CD109: variants seen among roughly 807,000 people sequenced by gnomAD.
The protein encoded by CD109 is CD109 molecule, also known as CD109 antigen.
In CD109, 149 loss-of-function variants were observed where a neutral mutation model predicts 165.8. The observed-to-expected ratio is 0.90, with a 90% CI of 0.79 to 1.03. The LOEUF (loss-of-function observed/expected upper bound fraction) is 1.03. Ranked by LOEUF, CD109 falls within the 50% of genes least tolerant of loss-of-function variation. The pLI is 0.00. For missense variants in CD109, 1,712 were observed against 1,677.8 expected (o/e 1.02, Z -0.36); for synonymous variants, 585 against 592.1 (o/e 0.99, Z 0.18).
At chr6:73,704,419 G>A (rs929116964) in intron 2 of CD109, among the ~76,000 whole-genome samples, 8 of 152,106 alleles carry the variant, frequency 5.3e-5, no homozygotes, top group African/African-American at 1.7e-4. Flanking sequence ...AACCCTAAGC[G>A]CTGGTGTTCA....
intron 15 of CD109, 106 bp downstream of exon 15, chr6:73,771,687 C>A: frequency 1.5e-6 from 1 of 669,504 alleles, no homozygotes; most frequent in Non-Finnish European, 2.3e-6. Flanking sequence ...AGTTCCTTTG[C>A]ATGTGTAAGT....
intron 5 of CD109, among the ~76,000 whole-genome samples, chr6:73,742,775 A>G (rs767260000): frequency 6.6e-6 from 1 of 152,218 alleles, no homozygotes; most frequent in Non-Finnish European, 1.5e-5. Flanking sequence ...CTGAAACATC[A>G]GTGTGCCACA....
chr6:73,723,553 G>C (rs1333326686), intron 3 of CD109, among the ~76,000 whole-genome samples: 1 of 152,176 alleles, frequency 6.6e-6, no homozygotes, highest in Non-Finnish European at 1.5e-5. Context: ...CAGAAATCTG[G>C]ACTGGTCATA....
chr6:73,791,467 A>C (rs1470284897), intron 22 of CD109, among the ~76,000 whole-genome samples: 1 of 151,018 alleles, frequency 6.6e-6, no homozygotes, highest in Non-Finnish European at 1.5e-5. Context: ...ACATACATAC[A>C]CACACACACA....
At chr6:73,768,351 T>C in intron 14 of CD109, 120 bp downstream of exon 14, 1 of 632,034 alleles carries the variant, frequency 1.6e-6, no homozygotes, top group Non-Finnish European at 2.7e-6. Flanking sequence ...TATTATTCTA[T>C]TTCTAGAACT....
Position 73,787,414 on chromosome 6 carries a change from A to T in CD109, c.2518A>T (p.Thr840Ser), listed in dbSNP as rs774663205. 1.9e-6 allele frequency: 3 copies of T among 1,613,894 alleles called. No individual in the cohort carries two copies. The Admixed American group carries it at 5.0e-5, about 27-fold the overall frequency. Residue 840 changes from threonine to serine, a missense_variant, in exon 21 of 33, where the codon ACT becomes TCT. Thr to Ser is a moderately conservative substitution (Grantham distance 58). Transcript: ENST00000287097. ...IPITVTALSP[T>S]ASDAVTQMIL... ...TATCACAGTCACAGCTCTTTCACCCACTGCTTCTGATGCTGTCACCCAGAT... is the reference window on the plus strand; with the variant it reads ...TATCACAGTCACAGCTCTTTCACCCTCTGCTTCTGATGCTGTCACCCAGAT...
At chr6:73,797,328 A>G (rs1017462040) in intron 23 of CD109, among the ~76,000 whole-genome samples, 3 of 152,234 alleles carry the variant, frequency 2.0e-5, no homozygotes, top group African/African-American at 7.2e-5. Flanking sequence ...TGTTTTCCTC[A>G]GATATTTAAA....
chr6:73,789,147 C>G (rs539937124), intron 22 of CD109, among the ~76,000 whole-genome samples: 2 of 152,190 alleles, frequency 1.3e-5, no homozygotes, highest in Non-Finnish European at 2.9e-5. Context: ...AAAAAACTTT[C>G]ACAAGTGATT....
intron 3 of CD109, among the ~76,000 whole-genome samples, chr6:73,727,000 C>T (rs1489705883): frequency 6.6e-6 from 1 of 152,070 alleles, no homozygotes; most frequent in East Asian, 1.9e-4. Context: ...TCCCCCTTTC[C>T]CCCACCAATT....
the CD109 span, among the ~76,000 whole-genome samples, chr6:73,683,922 C>T: frequency 3.3e-5 from 5 of 152,306 alleles, no homozygotes; most frequent in Admixed American, 2.6e-4. Context: ...TTACCTCCCA[C>T]TAGGTTCCTC....
chr6:73,780,257 T>C (rs1204592580), intron 15 of CD109, among the ~76,000 whole-genome samples, 167 bp from the exon 16 acceptor site: 3 of 152,136 alleles, frequency 2.0e-5, no homozygotes, highest in African/African-American at 7.2e-5. Flanking sequence ...AAATGTAATT[T>C]TGGCTGACTG....
At chr6:73,731,257 G>T (rs1426991474) in intron 4 of CD109, among the ~76,000 whole-genome samples, 1 of 152,146 alleles carries the variant, frequency 6.6e-6, no homozygotes, top group Non-Finnish European at 1.5e-5. Flanking sequence ...TGTTGGTCAG[G>T]CTGACCTCGT....
At chr6:73,713,928 G>A (rs116928326) in intron 2 of CD109, among the ~76,000 whole-genome samples, 1,867 of 152,098 alleles carry the variant, frequency 0.012, 27 homozygotes, top group Non-Finnish European at 0.018. Context: ...CTCCCCCGTC[G>A]TTCTTCATCT....
intron 23 of CD109, among the ~76,000 whole-genome samples, chr6:73,798,252 C>T (rs942980843): frequency 5.9e-5 from 9 of 151,986 alleles, no homozygotes; most frequent in Non-Finnish European, 1.3e-4. Flanking sequence ...GTAGCTGGGA[C>T]TACAGGTGTG....
intron 2 of CD109, among the ~76,000 whole-genome samples, chr6:73,710,015 C>T (rs1444485558): frequency 6.6e-6 from 1 of 152,168 alleles, no homozygotes; most frequent in African/African-American, 2.4e-5. Context: ...GGAAGCATTC[C>T]CTTTGAAAAC....
At chr6:73,793,935 TG>T (rs1381900522) in intron 23 of CD109, among the ~76,000 whole-genome samples, 1 of 152,232 alleles carries the variant, frequency 6.6e-6, no homozygotes, top group African/African-American at 2.4e-5. Context: ...TTTTAGTTTT[TG>T]TTTTTTTATA....
chr6:73,762,631 C>A, intron 8 of CD109, 110 bp from the exon 9 acceptor site: 4 of 988,498 alleles, frequency 4.0e-6, no homozygotes, highest in South Asian at 1.7e-5. Context: ...GCAATTATAG[C>A]GATTAAAATG....
chr6:73,726,104 A>G (rs904208521), intron 3 of CD109, among the ~76,000 whole-genome samples: 1 of 151,892 alleles, frequency 6.6e-6, no homozygotes, highest in African/African-American at 2.4e-5. Context: ...GTGAGAACAT[A>G]CCTGTGAATA....
At chr6:73,749,510 G>T (rs542846038) in intron 5 of CD109, among the ~76,000 whole-genome samples, 8 of 152,218 alleles carry the variant, frequency 5.3e-5, no homozygotes, top group Admixed American at 2.0e-4. Flanking sequence ...TTTGTGGGCC[G>T]AGCTGTGGAG....
Sources: allele counts gnomAD v4.1 joint callset (sites outside exome capture counted in the v4.1 genomes callset), GRCh38; gene constraint gnomAD v4.1.1; transcripts MANE v1.5; gene names NCBI Gene and HGNC (gene_info 2026-07-23, HGNC 2026-07-21).